Variants in CTNNA3 observed in about 807,000 individuals in gnomAD.
CTNNA3 encodes the protein catenin alpha 3.
A neutral mutation model predicts 95.7 loss-of-function variants in CTNNA3; 76 were observed. The observed-to-expected ratio is 0.79, with a 90% CI of 0.66 to 0.96. CTNNA3 has a LOEUF of 0.96. CTNNA3 is among the 40% of genes least tolerant of loss of function. The pLI, the probability that CTNNA3 is intolerant of heterozygous loss-of-function variation, is 0.00. For missense variants in CTNNA3, 1,191 were observed against 1,089.8 expected, an observed-to-expected ratio of 1.09 and a Z score of -1.31; for synonymous variants, 431 against 374.4, an observed-to-expected ratio of 1.15 and a Z score of -1.74.
intron 4 of CTNNA3, among the ~76,000 whole-genome samples, chr10:67,525,142 C>G (rs546704784): frequency 7.1e-6 from 1 of 141,398 alleles, no homozygotes; most frequent in African/African-American, 2.9e-5. Flanking sequence ...TTTGTTGAAC[C>G]TTGAATTTAT....
chr10:66,627,737 T>C (rs1481580369), intron 9 of CTNNA3, among the ~76,000 whole-genome samples: 3 of 152,188 alleles, frequency 2.0e-5, no homozygotes, highest in Non-Finnish European at 2.9e-5. Flanking sequence ...GACAGTCATA[T>C]CAGTTCCTGC....
chr10:67,297,180 C>T (rs1840074951), intron 5 of CTNNA3, among the ~76,000 whole-genome samples: 1 of 152,142 alleles, frequency 6.6e-6, no homozygotes, highest in South Asian at 2.1e-4. Flanking sequence ...CACCTGAAAA[C>T]TGAGTGTCCC....
chr10:67,383,966 TTAATGCTCTTATAC>T (rs1339163499), intron 5 of CTNNA3, among the ~76,000 whole-genome samples: 1 of 152,154 alleles, frequency 6.6e-6, no homozygotes. Context: ...TAAGCCAAGG[TTAATGCTCTTATAC>T]TAAGGGTCAC....
At chr10:66,071,045 A>G (rs759576560) in intron 14 of CTNNA3, among the ~76,000 whole-genome samples, 9 of 152,184 alleles carry the variant, frequency 5.9e-5, no homozygotes, top group Non-Finnish European at 7.3e-5. Flanking sequence ...AAGTGCTTCT[A>G]TGATTTATTA....
At chr10:66,410,410 G>T (rs983086662) in intron 11 of CTNNA3, among the ~76,000 whole-genome samples, 1 of 152,092 alleles carries the variant, frequency 6.6e-6, no homozygotes, top group African/African-American at 2.4e-5. Flanking sequence ...GCATTTATTT[G>T]GTGAACTTTG....
In CTNNA3 at chr10:66,552,928, C is replaced by A. The variant is rs112873198; in HGVS notation, c.1375-32155G>T. ...AATTCTGTTCAAAAATCTATTTTCT[C>A]TGATAGTTGATAAGTATTTTAAAAA... On this transcript the variant is annotated intron_variant, in intron 10 of 17. Coordinates refer to ENST00000433211, the MANE Select transcript of CTNNA3 (RefSeq NM_013266.4). 6.9e-3 allele frequency among the ~76,000 whole-genome samples: 1,050 copies of A among 151,766 alleles called. 15 individuals are homozygous for A. The highest frequency in any genetic ancestry group is 0.024 in the African/African-American group (1,004 of 41,402).
chr10:66,795,097 T>C (rs1841136377), intron 7 of CTNNA3, among the ~76,000 whole-genome samples: 1 of 152,178 alleles, frequency 6.6e-6, no homozygotes, highest in Admixed American at 6.6e-5. Flanking sequence ...ATGCCTAATA[T>C]AATGTTGATA....
intron 5 of CTNNA3, among the ~76,000 whole-genome samples, chr10:67,347,784 A>G (rs1229353996): frequency 6.6e-6 from 1 of 151,664 alleles, no homozygotes; most frequent in Non-Finnish European, 1.5e-5. Context: ...CTCATAGAAA[A>G]GAATTTATAT....
intron 9 of CTNNA3, among the ~76,000 whole-genome samples, chr10:66,649,153 A>T (rs1467531907): frequency 1.3e-5 from 2 of 152,186 alleles, no homozygotes; most frequent in African/African-American, 4.8e-5. Flanking sequence ...ACTTGCAAAC[A>T]TTGCAATGAT....
At position 67,484,463 on chromosome 10, in the gene CTNNA3, T is replaced by C. The variant is rs183758318; in HGVS notation, c.579+37379A>G. On this transcript the variant is annotated intron_variant, in intron 5 of 17. Coordinates refer to ENST00000433211, the MANE Select transcript of CTNNA3 (RefSeq NM_013266.4). ...CAAAAAAAAAGTGAGAAGTGGGATC[T>C]AATTAAACAGAAGAGCTTCTGCAAA... 1.2e-3 allele frequency among the ~76,000 whole-genome samples: 184 copies of C among 152,294 alleles called. 2 individuals are homozygous for C. Among genetic ancestry groups the C allele is most frequent in the African/African-American group, 4.1e-3 (169 of 41,576 alleles).
chr10:67,023,028 T>C (rs1459168766), intron 7 of CTNNA3, among the ~76,000 whole-genome samples: 1 of 152,070 alleles, frequency 6.6e-6, no homozygotes, highest in African/African-American at 2.4e-5. Context: ...TATAATATGG[T>C]CAGTGATTGG....
At chr10:66,983,739 C>CA (rs1447953489) in intron 7 of CTNNA3, among the ~76,000 whole-genome samples, 1 of 152,150 alleles carries the variant, frequency 6.6e-6, no homozygotes, top group African/African-American at 2.4e-5. Context: ...TCCCATGATA[C>CA]AGTTTTTAGG....
chr10:66,949,539 C>T (rs181353071), intron 7 of CTNNA3, among the ~76,000 whole-genome samples: 295 of 146,490 alleles, frequency 2.0e-3, no homozygotes, highest in Middle Eastern at 3.6e-3. Flanking sequence ...TCCTGGGCAA[C>T]AAGAGCAAAA....
intron 7 of CTNNA3, among the ~76,000 whole-genome samples, chr10:67,180,037 T>A (rs1414342942): frequency 6.6e-6 from 1 of 152,124 alleles, no homozygotes; most frequent in East Asian, 1.9e-4. Context: ...CTAGTTTCCT[T>A]TCTCCAATCC....
chr10:67,332,642 T>C (rs745413265), intron 5 of CTNNA3, among the ~76,000 whole-genome samples: 8 of 150,232 alleles, frequency 5.3e-5, no homozygotes, highest in Non-Finnish European at 8.9e-5. Context: ...CCTCAAGATC[T>C]ACTCAAGCTC....
chr10:67,324,313 A>G (rs1841451832), intron 5 of CTNNA3, among the ~76,000 whole-genome samples: 2 of 152,100 alleles, frequency 1.3e-5, no homozygotes, highest in South Asian at 2.1e-4. Flanking sequence ...CTGGTTTTCA[A>G]TGGGAAATAC....
At chr10:66,233,664 T>C (rs1364382880) in intron 13 of CTNNA3, among the ~76,000 whole-genome samples, 2 of 143,760 alleles carry the variant, frequency 1.4e-5, no homozygotes, top group Admixed American at 7.3e-5. Flanking sequence ...TATCATTGAG[T>C]GTTGGCCAAA....
chr10:66,731,297 CA>C (rs1848952355), intron 9 of CTNNA3, among the ~76,000 whole-genome samples: 1 of 152,160 alleles, frequency 6.6e-6, no homozygotes, highest in African/African-American at 2.4e-5. Flanking sequence ...CTTTTAATTA[CA>C]ATATTGCTAA....
intron 2 of CTNNA3, among the ~76,000 whole-genome samples, chr10:67,641,598 G>C (rs1839535096): frequency 6.6e-6 from 1 of 152,138 alleles, no homozygotes; most frequent in South Asian, 2.1e-4. Context: ...CAAAGACTTG[G>C]AACCAACCCA....
Sources: allele counts gnomAD v4.1 joint callset (sites outside exome capture counted in the v4.1 genomes callset), GRCh38; gene constraint gnomAD v4.1.1; transcripts MANE v1.5; gene names NCBI Gene and HGNC (gene_info 2026-07-23, HGNC 2026-07-21).